The following BMPR1A variants were observed in gnomAD, a reference collection of about 807,000 sequenced individuals.
The protein encoded by BMPR1A is bone morphogenetic protein receptor type 1A.
A neutral mutation model predicts 66.0 loss-of-function variants in BMPR1A; 7 were observed. That is an observed-to-expected ratio of 0.11 (90% CI 0.06 to 0.20). The LOEUF (loss-of-function observed/expected upper bound fraction) is 0.20. BMPR1A is among the 10% of genes least tolerant of loss of function. The pLI is 1.00. For missense variants in BMPR1A, 408 were observed against 669.1 expected (o/e 0.61, Z 4.31); for synonymous variants, 200 against 229.7 (o/e 0.87, Z 1.17).
intron 5 of BMPR1A, among the ~76,000 whole-genome samples, chr10:86,896,069 G>T (rs760722974): frequency 6.6e-6 from 1 of 151,652 alleles, no homozygotes; most frequent in Admixed American, 6.6e-5. Context: ...CAGGAGAATC[G>T]TTTGAACCCA....
intron 1 of BMPR1A, among the ~76,000 whole-genome samples, chr10:86,786,858 G>A (rs1263294563): frequency 6.6e-6 from 1 of 152,156 alleles, no homozygotes; most frequent in Non-Finnish European, 1.5e-5. Context: ...TTTTGTCCAA[G>A]AAAATTCAAA....
intron 7 of BMPR1A, among the ~76,000 whole-genome samples, chr10:86,910,792 G>C (rs1164601291): frequency 6.6e-6 from 1 of 152,122 alleles, no homozygotes; most frequent in African/African-American, 2.4e-5. Flanking sequence ...TGGACCATAT[G>C]ACTAAATGAG....
chr10:86,870,639 G>A (rs994916247), intron 2 of BMPR1A, among the ~76,000 whole-genome samples: 1 of 151,968 alleles, frequency 6.6e-6, no homozygotes, highest in Non-Finnish European at 1.5e-5. Context: ...TTCCCAGGCT[G>A]GTGTTAACTC....
intron 2 of BMPR1A, among the ~76,000 whole-genome samples, chr10:86,862,397 G>A (rs986035814): frequency 6.6e-6 from 1 of 152,192 alleles, no homozygotes; most frequent in Admixed American, 6.5e-5. Context: ...CACCTATTAG[G>A]CTGGAACGGA....
intron 2 of BMPR1A, among the ~76,000 whole-genome samples, chr10:86,867,842 T>C (rs1842805372): frequency 6.6e-6 from 1 of 152,246 alleles, no homozygotes; most frequent in African/African-American, 2.4e-5. Flanking sequence ...GAAGAGTTTA[T>C]ACTTGTGTTG....
At chr10:86,780,111 T>A (rs985612916) in intron 1 of BMPR1A, among the ~76,000 whole-genome samples, 2 of 152,176 alleles carry the variant, frequency 1.3e-5, no homozygotes, top group African/African-American at 4.8e-5. Context: ...TTTCTTCTTT[T>A]GAGAAATGTG....
intron 1 of BMPR1A, among the ~76,000 whole-genome samples, chr10:86,758,276 C>T (rs186171672): frequency 1.2e-4 from 19 of 152,282 alleles, no homozygotes; most frequent in African/African-American, 3.8e-4. Flanking sequence ...TTCTCCCCAC[C>T]CTTTACAGAA....
intron 1 of BMPR1A, among the ~76,000 whole-genome samples, chr10:86,813,368 T>C (rs1246834078): frequency 1.3e-5 from 2 of 152,196 alleles, no homozygotes; most frequent in Non-Finnish European, 2.9e-5. Flanking sequence ...TGGGTTTTTT[T>C]CAGTGGGAAA....
rs934572269 is a variant in BMPR1A, at chr10:86,806,330, A to T, written c.-267-32535A>T. ...GGGGAGAAACTTCAAGACCACACAA[A>T]TTTCTTATTCCTCATAAAATTCACT... On this transcript the variant is annotated intron_variant, in intron 1 of 12. Transcript: ENST00000372037. Among the ~76,000 whole-genome samples the T allele has an allele frequency of 2.6e-5, 4 of 151,982 alleles. No individual in the cohort carries two copies. The East Asian group carries it at 7.7e-4, about 29-fold the overall frequency.
At position 86,900,876 on chromosome 10, in the gene BMPR1A, G is replaced by GTAGC. The variant is rs1358018223; in HGVS notation, c.530+751_530+754dup. On this transcript the variant is annotated intron_variant, in intron 7 of 12. Coordinates refer to ENST00000372037, the MANE Select transcript of BMPR1A (RefSeq NM_004329.3). The stretch of plus-strand genomic sequence containing the variant: ...TCGAGAGGAGAGCTCCACATCTGAG[G>GTAGC]TAGCCATCATCCCAAATGGCCCCCA... 4.1e-4 allele frequency among the ~76,000 whole-genome samples: 63 copies of GTAGC among 152,314 alleles called. 1 individual carries two copies. Among genetic ancestry groups the GTAGC allele is most frequent in the African/African-American group, 1.4e-3 (59 of 41,566 alleles).
At chr10:86,882,530 G>A (rs1009375560) in intron 3 of BMPR1A, among the ~76,000 whole-genome samples, 1 of 152,182 alleles carries the variant, frequency 6.6e-6, no homozygotes, top group African/African-American at 2.4e-5. Context: ...TGGTGGTTAT[G>A]TTTAAGGAGT....
intron 2 of BMPR1A, among the ~76,000 whole-genome samples, chr10:86,871,581 G>A (rs1022118470): frequency 3.3e-5 from 5 of 152,174 alleles, no homozygotes; most frequent in Admixed American, 3.3e-4. Context: ...GGAGGTTTAG[G>A]CGGGTGGATT....
intron 2 of BMPR1A, among the ~76,000 whole-genome samples, chr10:86,873,079 G>C (rs1220432498): frequency 6.6e-6 from 1 of 152,138 alleles, no homozygotes; most frequent in Non-Finnish European, 1.5e-5. Context: ...AGAGTCTCAC[G>C]GCCAGCCAGC....
upstream of BMPR1A, chr10:86,756,025 C>G (rs896969250): frequency 6.6e-6 from 1 of 152,366 alleles, no homozygotes; most frequent in African/African-American, 2.4e-5. Context: ...ACTACCACGA[C>G]CTGGCCATCC....
chr10:86,854,174 A>C (rs1842609640), intron 2 of BMPR1A, among the ~76,000 whole-genome samples: 1 of 152,226 alleles, frequency 6.6e-6, no homozygotes, highest in Non-Finnish European at 1.5e-5. Flanking sequence ...AAAGAAGAGC[A>C]ATATGGCTCT....
At chr10:86,809,806 G>C (rs1223515888) in intron 1 of BMPR1A, among the ~76,000 whole-genome samples, 1 of 151,584 alleles carries the variant, frequency 6.6e-6, no homozygotes, top group African/African-American at 2.4e-5. Flanking sequence ...CCTGCCCCTG[G>C]TAACCACTAT....
At chr10:86,843,899 C>T (rs969724262) in intron 2 of BMPR1A, among the ~76,000 whole-genome samples, 3 of 152,024 alleles carry the variant, frequency 2.0e-5, no homozygotes, top group Non-Finnish European at 2.9e-5. Flanking sequence ...ATAAGCTGAT[C>T]AGAATTCAAT....
chr10:86,907,249 T>C (rs1159108265), intron 7 of BMPR1A, among the ~76,000 whole-genome samples: 2 of 152,254 alleles, frequency 1.3e-5, no homozygotes, highest in African/African-American at 4.8e-5. Flanking sequence ...TTGGATGTTG[T>C]ACATCATGTT....
chr10:86,923,532 A>C, intron 12 of BMPR1A, 26 bp downstream of exon 12: 17 of 1,614,222 alleles, frequency 1.1e-5, no homozygotes, highest in Non-Finnish European at 1.3e-5. Flanking sequence ...TCCCCTGAAG[A>C]AGTGATTCGT....
Sources: gnomAD v4.1 joint callset for allele counts (sites outside exome capture counted in the v4.1 genomes callset) on GRCh38, gnomAD v4.1.1 for gene constraint, MANE v1.5 for transcripts, NCBI Gene and HGNC (gene_info 2026-07-23, HGNC 2026-07-21) for gene names.